Variants in ELL observed in about 807,000 individuals in gnomAD.
ELL encodes the protein elongation factor for RNA polymerase II.
A neutral mutation model predicts 64.0 loss-of-function variants in ELL; 18 were observed. The observed-to-expected ratio is 0.28, with a 90% CI of 0.19 to 0.42. The LOEUF (loss-of-function observed/expected upper bound fraction) is 0.42, where lower values mean the gene tolerates loss of function less well. Ranked by LOEUF, ELL falls within the 10% of genes least tolerant of loss-of-function variation. ELL has a pLI of 1.00. For missense variants in ELL, 797 were observed against 870.4 expected, an observed-to-expected ratio of 0.92 and a Z score of 1.06; for synonymous variants, 399 against 376.2, an observed-to-expected ratio of 1.06 and a Z score of -0.70.
At chr19:18,445,597 T>G (rs906244577) in intron 10 of ELL, among the ~76,000 whole-genome samples, 2 of 150,920 alleles carry the variant, frequency 1.3e-5, no homozygotes, top group Non-Finnish European at 3.0e-5. Flanking sequence ...GAAGGAGAGA[T>G]GCCCCAAGAA....
intron 1 of ELL, among the ~76,000 whole-genome samples, chr19:18,485,253 C>G (rs1975385100): frequency 6.6e-6 from 1 of 152,170 alleles, no homozygotes; most frequent in Non-Finnish European, 1.5e-5. Flanking sequence ...GGAGGCCCCT[C>G]CAGGCCTCCA....
intron 1 of ELL, among the ~76,000 whole-genome samples, chr19:18,502,202 C>T (rs942074840): frequency 4.6e-5 from 7 of 152,154 alleles, no homozygotes; most frequent in Non-Finnish European, 8.8e-5. Context: ...ATTGAGGACG[C>T]ACACCCCCAG....
Position 18,458,196 on chromosome 19 carries a change from C to G in ELL, c.869+9G>C. ...TGGGGACATGCTGGGGGATGGGAGG[C>G]GGCATTACCGGACGAGCACCCGCTT... On this transcript the variant is annotated intron_variant, in intron 6 of 11. Coordinates refer to ENST00000262809, the MANE Select transcript of ELL (RefSeq NM_006532.4). 1 of 1,607,054 alleles carries G rather than the reference C, an allele frequency of 6.2e-7. No homozygotes were observed. The highest frequency in any genetic ancestry group is 8.5e-7 in the Non-Finnish European group (1 of 1,179,602).
intron 6 of ELL, among the ~76,000 whole-genome samples, chr19:18,456,029 G>A (rs1383232884): frequency 2.0e-5 from 3 of 151,864 alleles, no homozygotes; most frequent in East Asian, 1.9e-4. Flanking sequence ...CCCAGGAGAC[G>A]GACGTTGCTG....
intron 1 of ELL, among the ~76,000 whole-genome samples, chr19:18,505,472 AG>A (rs1196489321): frequency 1.3e-5 from 2 of 152,202 alleles, no homozygotes; most frequent in Non-Finnish European, 2.9e-5. Flanking sequence ...GCAGGGCCAT[AG>A]TACCTGTGCC....
At chr19:18,448,573 C>G (rs1002045247) in intron 8 of ELL, 4 of 152,304 alleles carry the variant, frequency 2.6e-5, no homozygotes, top group African/African-American at 7.2e-5. Context: ...GGCGCAGCTG[C>G]GAAGGCCAAG....
In ELL at chr19:18,512,368, T is replaced by C. The variant is rs1376453481; in HGVS notation, c.135+9553A>G. On this transcript the variant is annotated intron_variant, in intron 1 of 11. Coordinates refer to ENST00000262809, the MANE Select transcript of ELL (RefSeq NM_006532.4). The stretch of plus-strand genomic sequence containing the variant: ...AAATAAAGAAACAGGCCAGGTGCGG[T>C]GACTCACGCCTGTAATCCCGGCATT... Among the ~76,000 whole-genome samples, 4 of 152,100 alleles carry C rather than the reference T, an allele frequency of 2.6e-5. No homozygotes were observed. In the East Asian group the frequency reaches 7.7e-4, roughly 29 times the overall value.
intron 4 of ELL, among the ~76,000 whole-genome samples, chr19:18,463,591 T>C (rs925174875): frequency 1.3e-5 from 2 of 152,038 alleles, no homozygotes; most frequent in African/African-American, 4.8e-5. Flanking sequence ...CCTTGGACTC[T>C]CAAAGTGCTG....
intron 1 of ELL, among the ~76,000 whole-genome samples, chr19:18,502,618 G>A (rs1373954890): frequency 6.6e-6 from 1 of 152,236 alleles, no homozygotes; most frequent in African/African-American, 2.4e-5. Context: ...ATCTCTGAGA[G>A]ATGACAACTG....
Position 18,465,883 on chromosome 19 carries a change from C to T in ELL, c.219G>A (p.Glu73=), listed in dbSNP as rs377206955. 1.6e-5 allele frequency: 21 copies of T among 1,330,584 alleles called. No individual in the cohort carries two copies. Among genetic ancestry groups the T allele is most frequent in the Non-Finnish European group, 1.9e-5 (20 of 1,031,618 alleles). The allele number at this position is 1,330,584 out of a possible 1,614,324, so 82.4% of individuals were successfully genotyped here. ...AGAGGTAGAAGGAGAACGTCCGCGC[C>T]TCTGCGGGGCAGTCAGGCTGGGGGA... ...ISIPQPDCPA[E]ARTFSFYLSN... Residue 73 remains glutamate, a synonymous_variant, in exon 3 of 12, where the codon GAG becomes GAA. Coordinates refer to ENST00000262809, the MANE Select transcript of ELL (RefSeq NM_006532.4).
In ELL at chr19:18,522,067, C is replaced by CTA. The variant is rs1976296192; in HGVS notation, c.-13_-12insTA. On this transcript the variant is annotated 5_prime_UTR_variant, in exon 1 of 12. Transcript: ENST00000262809. Reference sequence around the variant, plus strand: ...TTCAGCGCCGCCATCTTGCGACCATCTCTCCCCCGCGCCCCCTTCCCGGCT... The same window carrying CTA: ...TTCAGCGCCGCCATCTTGCGACCATCTATCTCCCCCGCGCCCCCTTCCCGGCT... 1 of 1,592,506 alleles carries CTA rather than the reference C, an allele frequency of 6.3e-7. No individual in the cohort carries two copies. Among genetic ancestry groups the CTA allele is most frequent in the Non-Finnish European group, 8.6e-7 (1 of 1,167,816 alleles).
intron 1 of ELL, among the ~76,000 whole-genome samples, chr19:18,520,006 C>T (rs1030657673): frequency 2.0e-5 from 3 of 152,134 alleles, no homozygotes; most frequent in African/African-American, 7.2e-5. Context: ...CACAGCTGGG[C>T]TCCGAGCCAG....
rs1194927907 is a variant in ELL, at chr19:18,443,894, C to A, written c.*858G>T. 1 of 232,860 alleles carries A rather than the reference C, an allele frequency of 4.3e-6. No homozygotes were observed. Among genetic ancestry groups the A allele is most frequent in the Admixed American group, 5.6e-5 (1 of 17,776 alleles). 14.4% of individuals were successfully genotyped at this position (232,860 alleles called of 1,614,324 possible). A position where few individuals can be genotyped will look rare whatever the true frequency, so the allele number is the denominator to read the frequency against. On this transcript the variant is annotated 3_prime_UTR_variant, in exon 12 of 12. Transcript: ENST00000262809. ...CAGCATCGAGACCACAAGGTCTCAACAGTGTGGAATGAGCAGCAGCAGCAA... is the reference window on the plus strand; with the variant it reads ...CAGCATCGAGACCACAAGGTCTCAAAAGTGTGGAATGAGCAGCAGCAGCAA...
intron 4 of ELL, among the ~76,000 whole-genome samples, chr19:18,462,335 CTGTGTGTGTGTG>C (rs370735358): frequency 1.5e-5 from 1 of 64,982 alleles, no homozygotes; most frequent in Admixed American, 2.2e-4. Context: ...CTCTAGTGGG[CTGTGTGTGTGTG>C]TGTGTGTGTG....
intron 1 of ELL, among the ~76,000 whole-genome samples, chr19:18,498,911 C>T (rs1233771988): frequency 2.0e-5 from 3 of 152,100 alleles, no homozygotes; most frequent in Admixed American, 2.0e-4. Flanking sequence ...GATCACACCA[C>T]TGCACTCCAG....
chr19:18,474,571 C>T (rs971847420), intron 1 of ELL, among the ~76,000 whole-genome samples: 1 of 152,242 alleles, frequency 6.6e-6, no homozygotes, highest in African/African-American at 2.4e-5. Flanking sequence ...CGATTCACGG[C>T]GCAAGCCACC....
intron 1 of ELL, among the ~76,000 whole-genome samples, chr19:18,503,978 C>T (rs1376524862): frequency 2.0e-5 from 3 of 152,254 alleles, no homozygotes; most frequent in Non-Finnish European, 2.9e-5. Flanking sequence ...TGTGGACAAC[C>T]CGCTCACTCA....
chr19:18,469,607 G>A (rs1001134209), intron 2 of ELL, among the ~76,000 whole-genome samples: 11 of 152,272 alleles, frequency 7.2e-5, no homozygotes, highest in East Asian at 1.9e-4. Flanking sequence ...GGTCAGTCCC[G>A]GCTCCAGGTT....
chr19:18,487,919 T>C (rs1029156574), intron 1 of ELL, among the ~76,000 whole-genome samples: 10 of 152,164 alleles, frequency 6.6e-5, no homozygotes, highest in Non-Finnish European at 1.2e-4. Flanking sequence ...CTCTGCCCCA[T>C]CCAGCTGTGG....
Sources: gnomAD v4.1 joint callset for allele counts (sites outside exome capture counted in the v4.1 genomes callset) on GRCh38, gnomAD v4.1.1 for gene constraint, MANE v1.5 for transcripts, NCBI Gene and HGNC (gene_info 2026-07-23, HGNC 2026-07-21) for gene names.